WDR25: variants seen among roughly 807,000 people sequenced by gnomAD.
WDR25 encodes the protein WD repeat domain 25.
In WDR25, 35 loss-of-function variants were observed where a neutral mutation model predicts 47.7. That is an observed-to-expected ratio of 0.73 (90% CI 0.56 to 0.97). The LOEUF is 0.97. Ranked by LOEUF, WDR25 falls within the 50% of genes least tolerant of loss-of-function variation. The probability of loss-of-function intolerance (pLI) is 0.00; values close to 1 mark genes in which losing one functional copy is unlikely to be tolerated. For synonymous variants in WDR25, 248 were observed against 278.9 expected, an observed-to-expected ratio of 0.89 and a Z score of 1.10; for missense variants, 634 against 704.7, an observed-to-expected ratio of 0.90 and a Z score of 1.14.
At chr14:100,493,530 G>T (rs555895220) in intron 4 of WDR25, among the ~76,000 whole-genome samples, 1 of 152,240 alleles carries the variant, frequency 6.6e-6, no homozygotes, top group African/African-American at 2.4e-5. Context: ...AAGGGCTAGA[G>T]ATTTCCCACT....
chr14:100,507,311 T>C (rs981597640), intron 4 of WDR25, among the ~76,000 whole-genome samples: 10 of 152,214 alleles, frequency 6.6e-5, no homozygotes, highest in African/African-American at 2.2e-4. Flanking sequence ...TGTAGCCTTA[T>C]AGTATAGTTT....
In WDR25 at chr14:100,529,103, G is replaced by A. The variant is rs145963182; in HGVS notation, c.1308G>A (p.Pro436=). The A allele has an allele frequency of 3.5e-4, 550 of 1,575,184 alleles. 2 individuals are homozygous for A. Among genetic ancestry groups the A allele is most frequent in the South Asian group, 8.3e-4 (73 of 87,936 alleles). ...CCTGCCCCAGCCTCGCCTTGCACCC[G>A]AGAGAGCCCGTGTTCCTGGCACAGA... ...RFTCPSLALH[P]REPVFLAQTN... is the part of the protein sequence containing the mutation. The change falls in exon 6 of 7, where the codon CCG becomes CCA. Residue 436 remains proline (P), a synonymous_variant. Transcript: ENST00000402312. The surrounding 1 kb of genome is among the most constrained non-coding windows in gnomAD (Gnocchi z 5.1).
chr14:100,440,192 C>T lies in WDR25; in HGVS notation c.823-27829C>T, dbSNP rs1341535366. Among the ~76,000 whole-genome samples, 6 of 152,248 alleles carry T rather than the reference C, an allele frequency of 3.9e-5. 1 individual carries two copies. The East Asian group carries it at 1.2e-3, about 29-fold the overall frequency. ...AAGCAGCGTTTTCCTTTTTCAATTT[C>T]AACCTGACTCCATTCCTCTCTTTAT... On this transcript the variant is annotated intron_variant, in intron 2 of 6. Transcript: ENST00000402312. This position sits in a 1 kb window ranked among gnomAD's most constrained non-coding sequence, Gnocchi z 4.4.
chr14:100,448,064 A>G (rs1366012292), intron 2 of WDR25, among the ~76,000 whole-genome samples: 4 of 152,048 alleles, frequency 2.6e-5, no homozygotes, highest in Non-Finnish European at 5.9e-5. Flanking sequence ...GCGTGGTGGC[A>G]TTTGCCTGTA....
chr14:100,445,745 G>T (rs1158939916), intron 2 of WDR25, among the ~76,000 whole-genome samples: 1 of 152,184 alleles, frequency 6.6e-6, no homozygotes, highest in Non-Finnish European at 1.5e-5. Context: ...CCTGTAGGAG[G>T]AGGTGGGCAC....
At chr14:100,457,969 T>A (rs1467652717) in intron 2 of WDR25, among the ~76,000 whole-genome samples, 1 of 152,060 alleles carries the variant, frequency 6.6e-6, no homozygotes, top group African/African-American at 2.4e-5. Context: ...ACAAAAGATA[T>A]TCAATGCAAA....
In WDR25 at chr14:100,407,276, A is replaced by G. The variant is rs528644663; in HGVS notation, c.822+25530A>G. The G allele has an allele frequency of 1.3e-5, 2 of 152,306 alleles. No individual in the cohort carries two copies. The highest frequency in any genetic ancestry group is 3.9e-4 in the East Asian group (2 of 5,186). 9.4% of individuals were successfully genotyped at this position (152,306 alleles called of 1,614,324 possible). A position where few individuals can be genotyped will look rare whatever the true frequency, so the allele number is the denominator to read the frequency against. On this transcript the variant is annotated intron_variant, in intron 2 of 6. Coordinates refer to ENST00000402312, the MANE Select transcript of WDR25 (RefSeq NM_001161476.3). This position sits in a 1 kb window ranked among gnomAD's most constrained non-coding sequence, Gnocchi z 4.1. ...TTGATGTGCTCACATTTTTTGGGGT[A>G]ATTGTCCTCCTTTGACATTAATAAC... is the stretch of plus-strand genomic sequence containing the variant.
At position 100,449,116 on chromosome 14, in the gene WDR25, T is replaced by A. The variant is rs754792995; in HGVS notation, c.823-18905T>A. Among the ~76,000 whole-genome samples the A allele has an allele frequency of 3.3e-5, 5 of 152,148 alleles. No homozygotes were observed. The highest frequency in any genetic ancestry group is 5.9e-5 in the Non-Finnish European group (4 of 68,046). ...AGCTGTTTACAACCCCCTAAGCCCTTGGGATGTGCTTGGCAAGATAAGGCC... is the reference window on the plus strand; with the variant it reads ...AGCTGTTTACAACCCCCTAAGCCCTAGGGATGTGCTTGGCAAGATAAGGCC... On this transcript the variant is annotated intron_variant, in intron 2 of 6. Coordinates refer to ENST00000402312, the MANE Select transcript of WDR25 (RefSeq NM_001161476.3). The surrounding 1 kb of genome is among the most constrained non-coding windows in gnomAD (Gnocchi z 4.2).
chr14:100,481,280 C>A (rs1595133098), intron 3 of WDR25: 2 of 760,140 alleles, frequency 2.6e-6, no homozygotes, highest in Non-Finnish European at 4.2e-6. Context: ...TGATAGAATA[C>A]CATATACCAT....
In WDR25 at chr14:100,430,041, T is replaced by C. The variant is rs1898282204; in HGVS notation, c.823-37980T>C. On this transcript the variant is annotated intron_variant, in intron 2 of 6. Coordinates refer to ENST00000402312, the MANE Select transcript of WDR25 (RefSeq NM_001161476.3). The surrounding 1 kb of genome is among the most constrained non-coding windows in gnomAD (Gnocchi z 4.7). ...CACCCCTAGTATGCTGCCTGACACA[T>C]GGCAAGTGCTCAATGAATGTTTGTT... Among the ~76,000 whole-genome samples the C allele has an allele frequency of 6.6e-6, 1 of 152,112 alleles. No homozygotes were observed. The highest frequency in any genetic ancestry group is 2.4e-5 in the African/African-American group (1 of 41,408).
intron 4 of WDR25, among the ~76,000 whole-genome samples, chr14:100,485,606 G>C (rs142408674): frequency 6.6e-6 from 1 of 152,304 alleles, no homozygotes; most frequent in African/African-American, 2.4e-5. Flanking sequence ...GTGTGTCTTG[G>C]TCTCAACAGT....
rs747131522 is a variant in WDR25, at chr14:100,381,566, C to T, written c.642C>T (p.Gly214=). The change falls in exon 2 of 7, where the codon GGC becomes GGT. Residue 214 remains glycine, a synonymous_variant. Coordinates refer to ENST00000402312, the MANE Select transcript of WDR25 (RefSeq NM_001161476.3). ...AGRAPAPLYV[G]PGVSEFIQPY... The stretch of plus-strand genomic sequence containing the variant: ...GTGCCCCAGCCCCTCTCTACGTGGG[C>T]CCGGGAGTGTCTGAGTTTATTCAGC... 1.2e-6 allele frequency: 2 copies of T among 1,609,694 alleles called. No individual in the cohort carries two copies. The highest frequency in any genetic ancestry group is 1.1e-5 in the South Asian group (1 of 90,834).
At chr14:100,462,627 A>G (rs1269677519) in intron 2 of WDR25, among the ~76,000 whole-genome samples, 2 of 152,118 alleles carry the variant, frequency 1.3e-5, no homozygotes, top group Non-Finnish European at 2.9e-5. Flanking sequence ...AGATTGATGG[A>G]TCTCCTTACA....
intron 4 of WDR25, among the ~76,000 whole-genome samples, chr14:100,511,212 G>A (rs1901298688): frequency 6.6e-6 from 1 of 152,078 alleles, no homozygotes; most frequent in South Asian, 2.1e-4. Flanking sequence ...TCTCACCAAT[G>A]TTTTGTAGTT....
chr14:100,422,265 G>C (rs1463642964), intron 2 of WDR25, among the ~76,000 whole-genome samples: 1 of 152,168 alleles, frequency 6.6e-6, no homozygotes, highest in Non-Finnish European at 1.5e-5. Context: ...GCTGTTTGCT[G>C]GAGTATTACA....
rs577898050 is a variant in WDR25, at chr14:100,376,511, G to T, written c.-16+16G>T. The T allele has an allele frequency of 4.1e-6, 5 of 1,231,828 alleles. No individual in the cohort carries two copies. The Admixed American group carries it at 2.1e-4, about 52-fold the overall frequency. The allele number at this position is 1,231,828 out of a possible 1,614,324, so 76.3% of individuals were successfully genotyped here. On this transcript the variant is annotated intron_variant, in intron 1 of 6. Transcript: ENST00000402312. Reference sequence around the variant, plus strand: ...AGCGCTTCCGGTGCGTGTGGTGAGCGGCGGGCCCCGGGCTGGAGGGGCCGG... The same window carrying T: ...AGCGCTTCCGGTGCGTGTGGTGAGCTGCGGGCCCCGGGCTGGAGGGGCCGG...
chr14:100,502,195 C>G lies in WDR25; in HGVS notation c.1101+18071C>G, dbSNP rs1394706284. On this transcript the variant is annotated intron_variant, in intron 4 of 6. Transcript: ENST00000402312. The surrounding 1 kb of genome is among the most constrained non-coding windows in gnomAD (Gnocchi z 4.5). The stretch of plus-strand genomic sequence containing the variant: ...TGTGGGAGGTGCAGGCAGAGCCCCC[C>G]ACTGTGGTGGCCCTTGCCCTCCCAC... 2.0e-5 allele frequency among the ~76,000 whole-genome samples: 3 copies of G among 152,208 alleles called. No homozygotes were observed. Among genetic ancestry groups the G allele is most frequent in the Admixed American group, 1.3e-4 (2 of 15,290 alleles).
At chr14:100,385,719 T>G (rs1897003816) in intron 2 of WDR25, among the ~76,000 whole-genome samples, 1 of 152,182 alleles carries the variant, frequency 6.6e-6, no homozygotes, top group African/African-American at 2.4e-5. Context: ...TGAACGTGCT[T>G]GTTTTTTTCA....
intron 4 of WDR25, among the ~76,000 whole-genome samples, chr14:100,485,807 A>G (rs1172372886): frequency 6.6e-6 from 1 of 152,192 alleles, no homozygotes. Context: ...CTTTCCTGAC[A>G]GGCAGTTGGA....
Sources: allele counts gnomAD v4.1 joint callset (sites outside exome capture counted in the v4.1 genomes callset), GRCh38; gene constraint gnomAD v4.1.1; non-coding constraint Gnocchi (gnomAD v3.1); transcripts MANE v1.5; gene names NCBI Gene and HGNC (gene_info 2026-07-23, HGNC 2026-07-21).